The following STOML3 variants were observed in gnomAD, a reference collection of about 807,000 sequenced individuals.
STOML3 encodes stomatin-like protein 3.
Under a neutral mutation model 29.5 loss-of-function variants are expected in STOML3, and 31 were observed. The ratio of observed to expected loss-of-function variants is 1.05; its 90% CI spans 0.79 to 1.42. STOML3 has a LOEUF of 1.42. Ranked by LOEUF, STOML3 falls within the 40% of genes most tolerant of loss-of-function variation. STOML3 has a pLI of 0.00. For missense variants in STOML3, 380 were observed against 363.0 expected (o/e 1.05, Z -0.38); for synonymous variants, 122 against 139.8 (o/e 0.87, Z 0.90).
intron 1 of STOML3, 80 bp downstream of exon 1, chr13:38,990,590 C>T (rs1868963017): frequency 4.2e-6 from 6 of 1,442,884 alleles, no homozygotes; most frequent in Non-Finnish European, 5.8e-6. Context: ...CATACTTACT[C>T]TATACCTGTC....
At chr13:38,971,548 A>G (rs1449175131) in intron 4 of STOML3, among the ~76,000 whole-genome samples, 1 of 152,170 alleles carries the variant, frequency 6.6e-6, no homozygotes, top group Non-Finnish European at 1.5e-5. Context: ...AGAGGGTGAT[A>G]TGATAATTGG....
intron 3 of STOML3, among the ~76,000 whole-genome samples, chr13:38,975,926 T>G (rs1263080914): frequency 6.6e-6 from 1 of 152,112 alleles, no homozygotes; most frequent in Non-Finnish European, 1.5e-5. Flanking sequence ...ATACTAGATG[T>G]TAGAAGGCCT....
At chr13:38,985,641 A>G (rs1868483945) in intron 1 of STOML3, among the ~76,000 whole-genome samples, 1 of 152,102 alleles carries the variant, frequency 6.6e-6, no homozygotes, top group Non-Finnish European at 1.5e-5. Flanking sequence ...GTAAATGAAA[A>G]CCACCCTGAA....
In STOML3 at chr13:38,968,421, G is replaced by A; in HGVS notation, c.630C>T (p.Ala210=). Residue 210 remains alanine (A), a synonymous_variant, in exon 6 of 7, where the codon GCC becomes GCT. Transcript: ENST00000379631. ...TTACCTTGGCTCTCGCTTCCCGGGT[G>A]GCCTCAGCCTCGGCTGCCATGGATC... ...LQRSMAAEAE[A]TREARAKVLA... is the part of the protein sequence containing the mutation. 1.2e-6 allele frequency: 2 copies of A among 1,614,070 alleles called. No individual in the cohort carries two copies. Among genetic ancestry groups the A allele is most frequent in the Non-Finnish European group, 1.7e-6 (2 of 1,180,008 alleles).
chr13:38,982,241 T>TC (rs1881292581), intron 1 of STOML3, among the ~76,000 whole-genome samples: 10 of 150,680 alleles, frequency 6.6e-5, no homozygotes, highest in African/African-American at 2.5e-4. Context: ...GGCATTTTCT[T>TC]TAAAAAAAAA....
At position 38,966,961 on chromosome 13, in the gene STOML3, A is replaced by T. The variant is rs745441336; in HGVS notation, c.740T>A (p.Leu247Gln). 4 of 1,614,048 alleles carry T rather than the reference A, an allele frequency of 2.5e-6. No homozygotes were observed. The highest frequency in any genetic ancestry group is 1.3e-5 in the African/African-American group (1 of 74,916). ...VLAESPIALQ[L>Q]RYLQTLSTVA... ...CGTGCTCAAGGTCTGCAGGTAGCGCAGCTGGAGAGCTATGGGAGACTCAGC... is the reference window on the plus strand; with the variant it reads ...CGTGCTCAAGGTCTGCAGGTAGCGCTGCTGGAGAGCTATGGGAGACTCAGC... The change falls in exon 7 of 7, where the codon CTG becomes CAG. Residue 247 changes from leucine to glutamine, a missense_variant. Transcript: ENST00000379631.
chr13:38,982,227 T>G (rs1443540031), intron 1 of STOML3, among the ~76,000 whole-genome samples: 1 of 151,502 alleles, frequency 6.6e-6, no homozygotes, highest in Non-Finnish European at 1.5e-5. Flanking sequence ...CTCCCTTTTC[T>G]TAGGGCATTT....
At chr13:38,985,616 T>A (rs190174439) in intron 1 of STOML3, among the ~76,000 whole-genome samples, 92 of 152,246 alleles carry the variant, frequency 6.0e-4, no homozygotes, top group Middle Eastern at 3.4e-3. Flanking sequence ...CATTACAATG[T>A]TATTTATAAC....
chr13:38,968,694 A>G (rs1566202847), intron 5 of STOML3, among the ~76,000 whole-genome samples, 160 bp from the exon 6 acceptor site: 1 of 152,170 alleles, frequency 6.6e-6, no homozygotes, highest in African/African-American at 2.4e-5. Context: ...AATAAGAGTT[A>G]ATATTCTTAT....
Position 38,972,544 on chromosome 13 carries a change from G to A in STOML3, c.280C>T (p.Arg94Ter), listed in dbSNP as rs183260106. The change falls in exon 4 of 7, where the codon CGA becomes TGA. Residue 94 changes from arginine to a stop codon, truncating the protein, a stop_gained. Transcript: ENST00000379631. LOFTEE classifies it high-confidence loss of function. ...CIDVFVKVDL[R>*]TVTCNIPPQE... ...GGAGGAATGTTGCAAGTAACTGTTC[G>A]GAGGTCAACTTTGACAAACACATCT... The A allele has an allele frequency of 4.8e-5, 77 of 1,613,974 alleles. No individual in the cohort carries two copies. The highest frequency in any genetic ancestry group is 5.8e-5 in the Non-Finnish European group (68 of 1,179,928).
chr13:38,980,246 A>G, intron 1 of STOML3: 1 of 984,900 alleles, frequency 1.0e-6, no homozygotes. Flanking sequence ...TGGGGGTCTC[A>G]TTAGCTGCCA....
intron 1 of STOML3, among the ~76,000 whole-genome samples, chr13:38,984,832 G>C (rs567965876): frequency 6.6e-6 from 1 of 152,216 alleles, no homozygotes; most frequent in South Asian, 2.1e-4. Flanking sequence ...TGTCTTCCCT[G>C]TAAATTTTTA....
intron 1 of STOML3, among the ~76,000 whole-genome samples, chr13:38,978,288 G>C (rs1479372544): frequency 2.0e-5 from 3 of 151,930 alleles, no homozygotes; most frequent in Admixed American, 2.0e-4. Context: ...TGAGTACCTG[G>C]GATTACAGGC....
At chr13:38,990,630 T>C in intron 1 of STOML3, 40 bp downstream of exon 1, 1 of 1,606,680 alleles carries the variant, frequency 6.2e-7, no homozygotes. Flanking sequence ...CTTTGCCATA[T>C]ATGTAAAAAA....
Position 38,990,802 on chromosome 13 carries a change from G to T in STOML3, c.-81C>A. On this transcript the variant is annotated 5_prime_UTR_variant, in exon 1 of 7. Coordinates refer to ENST00000379631, the MANE Select transcript of STOML3 (RefSeq NM_145286.3). ...GTGAAGAACAGGCAGCAACTCAGAT[G>T]TGCTTGGGAGAGGGGAGAGGAGAAA... 7.6e-7 allele frequency: 1 copy of T among 1,321,674 alleles called. No homozygotes were observed. The highest frequency in any genetic ancestry group is 1.1e-6 in the Non-Finnish European group (1 of 922,322). The allele number at this position is 1,321,674 out of a possible 1,614,324, so 81.9% of individuals were successfully genotyped here.
At chr13:38,982,506 T>C (rs1396596664) in intron 1 of STOML3, among the ~76,000 whole-genome samples, 1 of 152,138 alleles carries the variant, frequency 6.6e-6, no homozygotes, top group African/African-American at 2.4e-5. Context: ...AGCACCCCTA[T>C]CTATCAGTTT....
intron 1 of STOML3, among the ~76,000 whole-genome samples, chr13:38,978,845 GT>G (rs1275741450): frequency 6.6e-6 from 1 of 152,194 alleles, no homozygotes; most frequent in African/African-American, 2.4e-5. Context: ...TTTGATGAAT[GT>G]TTTTAAATGT....
rs1248404352 is a variant in STOML3 at position 38,976,758 on chromosome 13, A to G, written c.92T>C (p.Leu31Pro). 8 of 1,613,892 alleles carry G rather than the reference A, an allele frequency of 5.0e-6. No homozygotes were observed. The African/African-American group carries it at 8.0e-5, about 16-fold the overall frequency. Residue 31 changes from leucine to proline, a missense_variant, in exon 2 of 7, where the codon CTG becomes CCG. Leu to Pro is a moderately conservative substitution (Grantham distance 98). Transcript: ENST00000379631. ...CACCAACAGGAAAGAGAGGGAAAAC[A>G]GGATCCAGCCACATACACCAAGCCG... ...NKRLGVCGWI[L>P]FSLSFLLVII...
At chr13:38,980,772 T>C (rs1881243417) in intron 1 of STOML3, among the ~76,000 whole-genome samples, 1 of 152,196 alleles carries the variant, frequency 6.6e-6, no homozygotes, top group Non-Finnish European at 1.5e-5. Flanking sequence ...TGCCAAACGC[T>C]GTGCTGGAGA....
Sources: gnomAD v4.1 joint callset for allele counts (sites outside exome capture counted in the v4.1 genomes callset) on GRCh38, gnomAD v4.1.1 for gene constraint, MANE v1.5 for transcripts, NCBI Gene and HGNC (gene_info 2026-07-23, HGNC 2026-07-21) for gene names.